WASHC2C: variants seen among roughly 807,000 people sequenced by gnomAD.
WASHC2C encodes the protein Vaccinia Penetration Factor.
A neutral mutation model predicts 142.2 loss-of-function variants in WASHC2C; 73 were observed. The observed-to-expected ratio is 0.51, with a 90% CI of 0.43 to 0.62. WASHC2C has a LOEUF of 0.62. Among genes scored for constraint, WASHC2C ranks in the 20% least tolerant of loss-of-function variants. WASHC2C has a pLI of 0.00. For missense variants in WASHC2C, 969 were observed against 1,531.7 expected (o/e 0.63, Z 6.13); for synonymous variants, 337 against 565.5 (o/e 0.60, Z 5.73).
chr10:45,788,816 G>C, intron 28 of WASHC2C, 55 bp from the exon 29 acceptor site: 1 of 1,612,024 alleles, frequency 6.2e-7, no homozygotes, highest in South Asian at 1.1e-5. Flanking sequence ...TGCCATGGTA[G>C]CTTTGAACAC....
Position 45,777,506 on chromosome 10 carries a change from G to T in WASHC2C, c.2295+81G>T, listed in dbSNP as rs2057198846. On this transcript the variant is annotated intron_variant, in intron 22 of 30. Coordinates refer to ENST00000623400, the MANE Select transcript of WASHC2C (RefSeq NM_001330074.2). ...ACACACCCAACCCCTTAAGTTTTTT[G>T]ACCACAGAAAATAAATGGCCCATTT... is the stretch of plus-strand genomic sequence containing the variant. 3.3e-5 allele frequency: 53 copies of T among 1,608,990 alleles called. No homozygotes were observed. The South Asian group carries it at 5.5e-4, about 17-fold the overall frequency.
At chr10:45,772,419 T>A (rs2135420725) in intron 20 of WASHC2C, among the ~76,000 whole-genome samples, 1 of 152,310 alleles carries the variant, frequency 6.6e-6, no homozygotes, top group Non-Finnish European at 1.5e-5. Flanking sequence ...TGTACGCACT[T>A]TAAAAGAGTG....
chr10:45,736,405 CAAAAAAAAAAAAAAAAAAAAA>C (rs71520974), intron 3 of WASHC2C, among the ~76,000 whole-genome samples: 1 of 24,560 alleles, frequency 4.1e-5, no homozygotes, highest in African/African-American at 1.4e-4. Context: ...GACTCCATCT[CAAAAAAAAAAAAAAAAAAAAA>C]AAAAAAAAAA....
intron 17 of WASHC2C, among the ~76,000 whole-genome samples, chr10:45,762,939 GGA>G (rs1190379252): frequency 1.4e-4 from 22 of 152,208 alleles, no homozygotes; most frequent in African/African-American, 5.3e-4. Flanking sequence ...CATAATCTTA[GGA>G]GAGGAGGGTG....
intron 4 of WASHC2C, among the ~76,000 whole-genome samples, chr10:45,738,694 AT>A (rs1213777230): frequency 5.9e-5 from 9 of 152,132 alleles, no homozygotes; most frequent in African/African-American, 2.2e-4. Flanking sequence ...ATTTTATTTT[AT>A]TTTTTATTTA....
chr10:45,745,860 G>A (rs1378854670), intron 7 of WASHC2C, among the ~76,000 whole-genome samples: 17 of 149,950 alleles, frequency 1.1e-4, no homozygotes, highest in Non-Finnish European at 2.4e-4. Context: ...ATGCTGGTGC[G>A]CTGCACCCAT....
At chr10:45,785,280 C>A (rs1394272018) in intron 25 of WASHC2C, among the ~76,000 whole-genome samples, 1 of 152,088 alleles carries the variant, frequency 6.6e-6, no homozygotes, top group Non-Finnish European at 1.5e-5. Flanking sequence ...TCCCCCAGCC[C>A]CAGTAGGTTT....
chr10:45,730,448 C>G (rs2050420577), intron 3 of WASHC2C, among the ~76,000 whole-genome samples: 1 of 143,056 alleles, frequency 7.0e-6, no homozygotes, highest in Admixed American at 7.1e-5. Context: ...AAGTCAGGGA[C>G]TCTAGACTCA....
At chr10:45,745,506 A>G (rs1554870691) in intron 7 of WASHC2C, among the ~76,000 whole-genome samples, 1 of 151,614 alleles carries the variant, frequency 6.6e-6, no homozygotes, top group Admixed American at 6.6e-5. Context: ...GAAAGGAGAC[A>G]GTGTTGTGTA....
chr10:45,764,234 T>G (rs1411689875), intron 18 of WASHC2C, among the ~76,000 whole-genome samples: 4 of 149,758 alleles, frequency 2.7e-5, no homozygotes, highest in Non-Finnish European at 5.9e-5. Context: ...TAGTATAATA[T>G]CTATTTATAT....
chr10:45,777,384 T>C lies in WASHC2C; in HGVS notation c.2254T>C (p.Ser752Pro). 1 of 1,609,716 alleles carries C rather than the reference T, an allele frequency of 6.2e-7. No homozygotes were observed. Among genetic ancestry groups the C allele is most frequent in the Non-Finnish European group, 8.5e-7 (1 of 1,178,510 alleles). Residue 752 changes from serine (S) to proline (P), a missense_variant, in exon 22 of 31, where the codon TCA becomes CCA. Ser to Pro is a moderately conservative substitution (Grantham distance 74). Transcript: ENST00000623400. The part of the protein sequence containing the change: ...VDKKVESAKE[S>P]LKFGRTDVAE... Reference sequence around the variant, plus strand: ...TAAGAAGGTTGAGAGTGCCAAGGAGTCATTAAAATTTGGGAGAACTGATGT... The same window carrying C: ...TAAGAAGGTTGAGAGTGCCAAGGAGCCATTAAAATTTGGGAGAACTGATGT...
rs1221336264 is a variant in WASHC2C, at chr10:45,787,057, C to T, written c.2897C>T (p.Ala966Val). 4.6e-5 allele frequency: 74 copies of T among 1,609,380 alleles called. No homozygotes were observed. The highest frequency in any genetic ancestry group is 1.2e-4 in the Admixed American group (7 of 59,768). Residue 966 changes from alanine to valine, a missense_variant, in exon 28 of 31, where the codon GCG becomes GTG. By Grantham distance (64) the Ala-to-Val change is moderately conservative. Coordinates refer to ENST00000623400, the MANE Select transcript of WASHC2C (RefSeq NM_001330074.2). ...KIQANLAINP[A>V]ALLPTAASQI... ...TAGGCAAATTTAGCGATCAACCCAG[C>T]GGCCTTGCTGCCCACAGCGGCTTCC...
chr10:45,790,245 G>C, intron 29 of WASHC2C, 111 bp from the exon 30 acceptor site: 1 of 1,561,710 alleles, frequency 6.4e-7, no homozygotes. Flanking sequence ...GCAGTCTCGA[G>C]GCCGTTCCAC....
chr10:45,731,728 A>G (rs1240046270), intron 3 of WASHC2C, among the ~76,000 whole-genome samples: 3 of 152,040 alleles, frequency 2.0e-5, no homozygotes, highest in Non-Finnish European at 2.9e-5. Context: ...TACTGAGAAA[A>G]CAGCTAATGC....
At chr10:45,727,728 CT>C (rs2050046250) in intron 2 of WASHC2C, among the ~76,000 whole-genome samples, 189 bp downstream of exon 2, 1 of 152,206 alleles carries the variant, frequency 6.6e-6, no homozygotes, top group South Asian at 2.1e-4. Context: ...GGGGCAGACC[CT>C]GACCGTGGCC....
intron 23 of WASHC2C, among the ~76,000 whole-genome samples, chr10:45,784,161 A>G (rs2057732570): frequency 6.6e-6 from 1 of 150,694 alleles, no homozygotes; most frequent in Non-Finnish European, 1.5e-5. Flanking sequence ...TCTAATAAAA[A>G]ATTTAGATAC....
In WASHC2C at chr10:45,765,605, A is replaced by G. The variant is rs2055705663; in HGVS notation, c.1738-74A>G. 6 of 1,587,202 alleles carry G rather than the reference A, an allele frequency of 3.8e-6. No homozygotes were observed. In the Admixed American group the frequency reaches 1.0e-4, roughly 28 times the overall value. ...CCTGACTGGAGACTTACTTCCTTAAAGTTTGATATAGGAGGACATCCTATG... is the reference window on the plus strand; with the variant it reads ...CCTGACTGGAGACTTACTTCCTTAAGGTTTGATATAGGAGGACATCCTATG... On this transcript the variant is annotated intron_variant, in intron 18 of 30. Transcript: ENST00000623400.
chr10:45,750,688 G>A, intron 9 of WASHC2C, 63 bp from the exon 10 acceptor site: 1 of 1,475,960 alleles, frequency 6.8e-7, no homozygotes, highest in Non-Finnish European at 9.2e-7. Flanking sequence ...GTTGTTAGGT[G>A]TCCAAAGTGA....
intron 19 of WASHC2C, among the ~76,000 whole-genome samples, chr10:45,766,187 C>A (rs1314114559): frequency 1.3e-5 from 2 of 152,166 alleles, no homozygotes; most frequent in Non-Finnish European, 2.9e-5. Context: ...GACACAGGAG[C>A]CTTCAGAAAG....
Sources: gnomAD v4.1 joint callset for allele counts (sites outside exome capture counted in the v4.1 genomes callset) on GRCh38, gnomAD v4.1.1 for gene constraint, MANE v1.5 for transcripts, NCBI Gene and HGNC (gene_info 2026-07-23, HGNC 2026-07-21) for gene names.